INSYN2B: variants seen among roughly 807,000 people sequenced by gnomAD.
INSYN2B encodes the protein protein INSYN2B.
INSYN2B carries 16 observed loss-of-function variants against 41.2 expected under a neutral mutation model. The ratio of observed to expected loss-of-function variants is 0.39; its 90% confidence interval spans 0.26 to 0.59. The LOEUF is 0.59. Among genes scored for constraint, INSYN2B ranks in the 20% least tolerant of loss-of-function variants. The pLI is 0.57. For synonymous variants in INSYN2B, 245 were observed against 244.4 expected (o/e 1.00, Z -0.02); for missense variants, 608 against 646.4 (o/e 0.94, Z 0.64).
chr5:169,895,230 A>G (rs1373413330), intron 1 of INSYN2B, among the ~76,000 whole-genome samples: 3 of 152,194 alleles, frequency 2.0e-5, no homozygotes, highest in Non-Finnish European at 2.9e-5. Flanking sequence ...ATCCAGAAGT[A>G]TAAAAGCTCA....
chr5:169,861,879 T>C lies in INSYN2B; in HGVS notation c.*2394A>G, dbSNP rs1254047664. ...TTGGTGTAGAATCAGTACAGCCTTG[T>C]TTGGCTGTATTTCTAGAAATGTCAA... On this transcript the variant is annotated 3_prime_UTR_variant, in exon 4 of 4. Coordinates refer to ENST00000377365, the MANE Select transcript of INSYN2B (RefSeq NM_001129891.3). 1.3e-5 allele frequency among the ~76,000 whole-genome samples: 2 copies of C among 152,228 alleles called. No individual in the cohort carries two copies. The highest frequency in any genetic ancestry group is 2.4e-5 in the African/African-American group (1 of 41,458).
intron 3 of INSYN2B, among the ~76,000 whole-genome samples, chr5:169,874,541 GTGACCA>G (rs1232606478): frequency 2.0e-5 from 3 of 152,106 alleles, no homozygotes; most frequent in African/African-American, 7.2e-5. Context: ...CAAGCAAGGG[GTGACCA>G]TACCCCTATC....
chr5:169,907,485 A>G (rs1774349076), intron 1 of INSYN2B, among the ~76,000 whole-genome samples: 1 of 152,186 alleles, frequency 6.6e-6, no homozygotes, highest in Non-Finnish European at 1.5e-5. Flanking sequence ...AACATTTTAG[A>G]AAGTCAAAGT....
At chr5:169,933,423 G>T (rs1016735535) in intron 1 of INSYN2B, among the ~76,000 whole-genome samples, 1 of 152,252 alleles carries the variant, frequency 6.6e-6, no homozygotes, top group African/African-American at 2.4e-5. Flanking sequence ...CAAAGATTGA[G>T]AGTGGCTGCT....
In INSYN2B at chr5:169,884,266, CA is replaced by C. The variant is rs2113514123; in HGVS notation, c.-369del. On this transcript the variant is annotated 5_prime_UTR_variant, in exon 2 of 4. An upstream open reading frame in the 5' UTR gains an earlier in-frame stop. Transcript: ENST00000377365. ...CTTGGAAGAAGCTGGCTGTCTTGAA[CA>C]AAAAGACAACAAAAGTACCATTTAG... 5.8e-6 allele frequency: 1 copy of C among 172,016 alleles called. No homozygotes were observed. The highest frequency in any genetic ancestry group is 6.2e-5 in the Admixed American group (1 of 16,202). The allele number at this position is 172,016 out of a possible 1,614,324, so 10.7% of individuals were successfully genotyped here.
At chr5:169,873,328 A>C (rs1187281869) in intron 3 of INSYN2B, among the ~76,000 whole-genome samples, 2 of 152,192 alleles carry the variant, frequency 1.3e-5, no homozygotes. Flanking sequence ...ATGTACCCCA[A>C]ACTTCATAGC....
chr5:169,878,540 C>G (rs944343992), intron 3 of INSYN2B, among the ~76,000 whole-genome samples: 1 of 152,196 alleles, frequency 6.6e-6, no homozygotes, highest in African/African-American at 2.4e-5. Context: ...GAGACCTGCT[C>G]TTTCTTTGCA....
chr5:169,899,581 C>A (rs1773805058), intron 1 of INSYN2B, among the ~76,000 whole-genome samples: 1 of 152,198 alleles, frequency 6.6e-6, no homozygotes. Context: ...GCTGCTTGGG[C>A]ACTCAGGTTT....
chr5:169,885,635 AC>A lies in INSYN2B; in HGVS notation c.-918-820del, dbSNP rs1772928613. ...AGCACATACTTTTACCATGCTGAGG[AC>A]TTTACATGCATTAATTAAAACAACT... On this transcript the variant is annotated intron_variant, in intron 1 of 3. Transcript: ENST00000377365. Among the ~76,000 whole-genome samples the A allele has an allele frequency of 5.9e-5, 9 of 152,300 alleles. No homozygotes were observed. In the South Asian group the frequency reaches 1.7e-3, roughly 28 times the overall value.
At chr5:169,931,881 G>A (rs139291645) in intron 1 of INSYN2B, among the ~76,000 whole-genome samples, 35 of 152,272 alleles carry the variant, frequency 2.3e-4, no homozygotes, top group Non-Finnish European at 4.7e-4. Context: ...CCTTCTCTAT[G>A]TTCCTCTTTC....
chr5:169,920,991 C>T (rs1312153610), intron 1 of INSYN2B, among the ~76,000 whole-genome samples: 6 of 152,196 alleles, frequency 3.9e-5, no homozygotes, highest in Non-Finnish European at 8.8e-5. Flanking sequence ...CCTCAGTCCA[C>T]GGGGGCACTT....
In INSYN2B at chr5:169,978,331, T is replaced by C. The variant is rs543510534; in HGVS notation, c.-919+1946A>G. Among the ~76,000 whole-genome samples the C allele has an allele frequency of 6.0e-5, 8 of 133,568 alleles. 2 individuals are homozygous for C. Among genetic ancestry groups the C allele is most frequent in the African/African-American group, 2.2e-4 (8 of 35,834 alleles). 87.6% of individuals were successfully genotyped at this position (133,568 alleles called of 152,430 possible). On this transcript the variant is annotated intron_variant, in intron 1 of 3. Transcript: ENST00000377365. Reference sequence around the variant, plus strand: ...CCCAAGGCAAGGCAAACTGGTAGCCTTTCCCTCAGTTCACATGGCACTGCA... The same window carrying C: ...CCCAAGGCAAGGCAAACTGGTAGCCCTTCCCTCAGTTCACATGGCACTGCA...
intron 1 of INSYN2B, among the ~76,000 whole-genome samples, chr5:169,943,297 G>A (rs539346863): frequency 4.1e-4 from 62 of 152,218 alleles, no homozygotes; most frequent in Middle Eastern, 3.4e-3. Flanking sequence ...TTATCTTGAG[G>A]AATAAGCAGT....
At chr5:169,940,079 G>T (rs115280224) in intron 1 of INSYN2B, among the ~76,000 whole-genome samples, 1 of 152,196 alleles carries the variant, frequency 6.6e-6, no homozygotes, top group Non-Finnish European at 1.5e-5. Flanking sequence ...TGACGGCTGT[G>T]GGTGGGGAGA....
intron 1 of INSYN2B, among the ~76,000 whole-genome samples, chr5:169,911,190 A>G (rs1405500398): frequency 3.9e-5 from 6 of 152,172 alleles, no homozygotes; most frequent in Non-Finnish European, 8.8e-5. Flanking sequence ...CAGTTGATTT[A>G]ACAGGTCAGG....
At chr5:169,973,787 A>G (rs540664459) in intron 1 of INSYN2B, among the ~76,000 whole-genome samples, 2 of 152,296 alleles carry the variant, frequency 1.3e-5, no homozygotes, top group African/African-American at 4.8e-5. Context: ...GGTTCTGTCT[A>G]TGTAACTGTG....
Position 169,883,462 on chromosome 5 carries a change from G to A in INSYN2B, c.437C>T (p.Ser146Phe). ...GNLSEQDIVS[S>F]DLAYLRLAQH... ...AGCCAACCTTAAGTAGGCAAGGTCA[G>A]AAGACACAATGTCCTGTTCAGAGAG... The change falls in exon 2 of 4, where the codon TCT becomes TTT. Residue 146 changes from serine (S) to phenylalanine (F), a missense_variant. Physicochemically the swap from Ser to Phe is radical, Grantham distance 155. Transcript: ENST00000377365. 6.4e-7 allele frequency: 1 copy of A among 1,551,686 alleles called. No homozygotes were observed. The highest frequency in any genetic ancestry group is 1.4e-5 in the African/African-American group (1 of 73,176).
At chr5:169,947,385 G>A (rs1776490483) in intron 1 of INSYN2B, among the ~76,000 whole-genome samples, 1 of 152,234 alleles carries the variant, frequency 6.6e-6, no homozygotes, top group Admixed American at 6.5e-5. Context: ...TGAGTGCCAG[G>A]CACTGGGCTG....
chr5:169,910,537 CAGCATCCTTTCCCTGTGTGCCCAGGG>C (rs138420609), intron 1 of INSYN2B, among the ~76,000 whole-genome samples: 5,871 of 152,274 alleles, frequency 0.039, 131 homozygotes, highest in Non-Finnish European at 0.055. Flanking sequence ...GACCTGTTTT[CAGCATCCTTTCCCTGTGTGCCCAGGG>C]AGCTCCTCCG....
Sources: allele counts gnomAD v4.1 joint callset (sites outside exome capture counted in the v4.1 genomes callset), GRCh38; gene constraint gnomAD v4.1.1; transcripts MANE v1.5; gene names NCBI Gene and HGNC (gene_info 2026-07-23, HGNC 2026-07-21).